The following OVCH1 variants were observed in gnomAD, a reference collection of about 807,000 sequenced individuals.
The protein encoded by OVCH1 is ovochymase-1.
Under a neutral mutation model 138.4 loss-of-function variants are expected in OVCH1, and 139 were observed. The observed-to-expected ratio is 1.00, with a 90% CI of 0.87 to 1.16. The LOEUF is 1.16. Among genes scored for constraint, OVCH1 ranks in the 50% most tolerant of loss-of-function variants. OVCH1 has a pLI of 0.00. For missense variants in OVCH1, 1,367 were observed against 1,357.9 expected (o/e 1.01, Z -0.11); for synonymous variants, 453 against 467.8 (o/e 0.97, Z 0.41).
At chr12:29,445,816 T>C (rs1941598924) in intron 22 of OVCH1, among the ~76,000 whole-genome samples, 3 of 152,230 alleles carry the variant, frequency 2.0e-5, no homozygotes, top group African/African-American at 7.2e-5. Flanking sequence ...CAGTTTTTTA[T>C]TGATTGCTTT....
At chr12:29,480,370 T>C (rs753183453) in intron 8 of OVCH1, among the ~76,000 whole-genome samples, 5 of 152,216 alleles carry the variant, frequency 3.3e-5, no homozygotes, top group Non-Finnish European at 5.9e-5. Flanking sequence ...AGTGGAACTG[T>C]AGTTTAGGCT....
chr12:29,454,290 G>GAAGA (rs1941882177), intron 21 of OVCH1, among the ~76,000 whole-genome samples: 1 of 152,102 alleles, frequency 6.6e-6, no homozygotes, highest in Admixed American at 6.6e-5. Flanking sequence ...ATGTATTGGG[G>GAAGA]AAGATGTGGG....
chr12:29,425,227 G>A (rs10219541), downstream of OVCH1, among the ~76,000 whole-genome samples: 32,861 of 152,086 alleles, frequency 0.22, 4,682 homozygotes, highest in African/African-American at 0.41. Flanking sequence ...AAATGATTCT[G>A]TCTTTGGTTC....
Position 29,494,424 on chromosome 12 carries a change from T to C in OVCH1, c.454+861A>G, listed in dbSNP as rs918134473. Reference sequence around the variant, plus strand: ...GTTGAGAGAGTGTTGGAGATCTTGTTCACAGTAATGACAGAAAGAAGTCTC... The same window carrying C: ...GTTGAGAGAGTGTTGGAGATCTTGTCCACAGTAATGACAGAAAGAAGTCTC... On this transcript the variant is annotated intron_variant, in intron 4 of 27. Coordinates refer to ENST00000318184, the Ensembl canonical transcript of OVCH1. Among the ~76,000 whole-genome samples the C allele has an allele frequency of 2.0e-5, 3 of 152,122 alleles. No homozygotes were observed. In the South Asian group the frequency reaches 6.2e-4, roughly 32 times the overall value.
chr12:29,466,623 G>A (rs1337901671), intron 16 of OVCH1, among the ~76,000 whole-genome samples: 2 of 152,180 alleles, frequency 1.3e-5, no homozygotes, highest in Admixed American at 6.6e-5. Context: ...GCACAAGGGC[G>A]GCTGCTGGGT....
intron 21 of OVCH1, among the ~76,000 whole-genome samples, chr12:29,454,204 AGTCATCACTCTTG>A (rs1274424286): frequency 1.3e-5 from 2 of 152,116 alleles, no homozygotes; most frequent in African/African-American, 4.8e-5. Flanking sequence ...TTCTACTCAA[AGTCATCACTCTTG>A]CAATTCTACC....
At chr12:29,409,619 T>C (rs571929324), downstream of OVCH1, among the ~76,000 whole-genome samples, 2 of 152,316 alleles carry the variant, frequency 1.3e-5, no homozygotes, top group Admixed American at 1.3e-4. Flanking sequence ...TGAGTGGTTT[T>C]GAGTGAGTTT....
At chr12:29,487,875 G>C in exon 7 of OVCH1, 1 of 1,609,550 alleles carries the variant, frequency 6.2e-7, no homozygotes, top group Non-Finnish European at 8.5e-7. Flanking sequence ...TGGTCCTCCA[G>C]AGTCCCCCTT....
chr12:29,493,915 G>A (rs1036211231), intron 4 of OVCH1, among the ~76,000 whole-genome samples: 6 of 152,088 alleles, frequency 3.9e-5, no homozygotes, highest in African/African-American at 1.4e-4. Context: ...ATTAAACCTG[G>A]GATTTAAATT....
chr12:29,473,061 T>C lies in OVCH1; in HGVS notation c.1643A>G (p.Asn548Ser), dbSNP rs368550082. Residue 548 changes from asparagine (N) to serine (S), a missense_variant, in exon 15 of 28, where the codon AAT becomes AGT. By Grantham distance (46) the Asn-to-Ser change is conservative. Coordinates refer to ENST00000318184, the Ensembl canonical transcript of OVCH1. ...AATAGCTTTTACGGTAGATACAGGATTGTTTTGGGGAGGTAACTTTGGTTC... is the reference window on the plus strand; with the variant it reads ...AATAGCTTTTACGGTAGATACAGGACTGTTTTGGGGAGGTAACTTTGGTTC... The C allele has an allele frequency of 9.9e-5, 160 of 1,611,206 alleles. No individual in the cohort carries two copies. The highest frequency in any genetic ancestry group is 1.3e-4 in the Non-Finnish European group (148 of 1,178,446).
intron 26 of OVCH1, among the ~76,000 whole-genome samples, chr12:29,435,720 C>G (rs2135908308): frequency 6.6e-6 from 1 of 152,244 alleles, no homozygotes; most frequent in South Asian, 2.1e-4. Flanking sequence ...CCTAAGATTT[C>G]TAAAGCACCC....
Position 29,496,728 on chromosome 12 carries a change from C to T in OVCH1, c.65-54G>A, listed in dbSNP as rs1592127363. 15 of 1,354,322 alleles carry T rather than the reference C, an allele frequency of 1.1e-5. No homozygotes were observed. In the East Asian group the frequency reaches 3.3e-4, roughly 30 times the overall value. The allele number at this position is 1,354,322 out of a possible 1,614,324, so 83.9% of individuals were successfully genotyped here. Reference sequence around the variant, plus strand: ...ACACAGAGCCTTATGTAAGAGTTCACTTTACCAAGATTTCCCATTTGGATT... The same window carrying T: ...ACACAGAGCCTTATGTAAGAGTTCATTTTACCAAGATTTCCCATTTGGATT... On this transcript the variant is annotated intron_variant, in intron 1 of 27. Coordinates refer to ENST00000318184, the Ensembl canonical transcript of OVCH1.
chr12:29,483,999 T>C (rs1946722), intron 8 of OVCH1, among the ~76,000 whole-genome samples: 71,170 of 152,036 alleles, frequency 0.47, 16,941 homozygotes, highest in East Asian at 0.57. Context: ...AGTATAGTTA[T>C]TTTTGTCTAG....
intron 19 of OVCH1, among the ~76,000 whole-genome samples, chr12:29,457,773 G>C (rs1207064062): frequency 6.6e-6 from 1 of 152,058 alleles, no homozygotes; most frequent in African/African-American, 2.4e-5. Context: ...GTAAGACAGA[G>C]TATAAACAAA....
At chr12:29,417,045 G>A (rs928528811) in intron 3 of OVCH1, among the ~76,000 whole-genome samples, 2 of 152,202 alleles carry the variant, frequency 1.3e-5, no homozygotes, top group African/African-American at 4.8e-5. Flanking sequence ...ATCTCCAGGG[G>A]ACTGTGCTGA....
At chr12:29,477,106 A>G in exon 12 of OVCH1, 1 of 1,605,640 alleles carries the variant, frequency 6.2e-7, no homozygotes. Flanking sequence ...GCCTACCTTT[A>G]TAATGTGCTT....
chr12:29,492,676 G>C (rs1050883067), intron 4 of OVCH1, among the ~76,000 whole-genome samples: 1 of 152,178 alleles, frequency 6.6e-6, no homozygotes, highest in African/African-American at 2.4e-5. Flanking sequence ...CAGTGTCCAA[G>C]AGAAGAATCA....
In OVCH1 at chr12:29,496,281, A is replaced by G. The variant is rs1300851455; in HGVS notation, c.184-3T>C. The G allele has an allele frequency of 1.9e-5, 30 of 1,593,926 alleles. No individual in the cohort carries two copies. Among genetic ancestry groups the G allele is most frequent in the Non-Finnish European group, 2.6e-5 (30 of 1,168,910 alleles). On this transcript the variant is annotated splice_region_variant and splice_polypyrimidine_tract_variant and intron_variant, in intron 2 of 27. Transcript: ENST00000318184. ...TGCTCATCTGATTTTAGGGAGACCTACCCAAGAAGAAAGTTACAAATGCAG... is the reference window on the plus strand; with the variant it reads ...TGCTCATCTGATTTTAGGGAGACCTGCCCAAGAAGAAAGTTACAAATGCAG...
At chr12:29,482,192 C>A (rs548588134) in intron 8 of OVCH1, among the ~76,000 whole-genome samples, 4 of 152,304 alleles carry the variant, frequency 2.6e-5, no homozygotes, top group African/African-American at 9.6e-5. Flanking sequence ...GGCCACATTG[C>A]CCCTCTCCAG....
Sources: gnomAD v4.1 joint callset for allele counts (sites outside exome capture counted in the v4.1 genomes callset) on GRCh38, gnomAD v4.1.1 for gene constraint, MANE v1.5 for transcripts, NCBI Gene and HGNC (gene_info 2026-07-23, HGNC 2026-07-21) for gene names.